DYNC2I1: variants seen among roughly 807,000 people sequenced by gnomAD.
The protein encoded by DYNC2I1 is dynein 2 intermediate chain 1, also known as cytoplasmic dynein 2 intermediate chain 1.
DYNC2I1 carries 89 observed loss-of-function variants against 133.4 expected under a neutral mutation model. The observed-to-expected ratio is 0.67, with a 90% confidence interval of 0.56 to 0.80. The LOEUF is 0.80. Ranked by LOEUF, DYNC2I1 falls within the 30% of genes least tolerant of loss-of-function variation. The pLI is 0.00. For missense variants in DYNC2I1, 1,291 were observed against 1,314.5 expected (o/e 0.98, Z 0.28); for synonymous variants, 504 against 484.3 (o/e 1.04, Z -0.54).
At chr7:158,930,417 A>C in intron 20 of DYNC2I1, 38 bp from the exon 21 acceptor site, 1 of 1,578,006 alleles carries the variant, frequency 6.3e-7, no homozygotes, top group Non-Finnish European at 8.7e-7. Flanking sequence ...TTTAGCTTCT[A>C]TTGAAAGGTG....
At chr7:158,865,318 T>C (rs1266994012) in intron 1 of DYNC2I1, among the ~76,000 whole-genome samples, 1 of 152,226 alleles carries the variant, frequency 6.6e-6, no homozygotes, top group Non-Finnish European at 1.5e-5. Context: ...TTAAATCAGT[T>C]TCATCTGTTT....
At chr7:158,880,105 AT>A in intron 5 of DYNC2I1, 116 bp downstream of exon 5, 1 of 1,233,954 alleles carries the variant, frequency 8.1e-7, no homozygotes, top group Non-Finnish European at 1.1e-6. Context: ...AGTAGTAGTA[AT>A]TTAGGAAAAA....
chr7:158,936,052 G>A (rs2657333), intron 23 of DYNC2I1, among the ~76,000 whole-genome samples: 100,369 of 151,994 alleles, frequency 0.66, 33,534 homozygotes, highest in Non-Finnish European at 0.71. Flanking sequence ...TTAGCCTGGC[G>A]TGGTGACACA....
At chr7:158,870,527 A>ATTTTTTAAT (rs944947376) in intron 2 of DYNC2I1, among the ~76,000 whole-genome samples, 2 of 150,860 alleles carry the variant, frequency 1.3e-5, no homozygotes, top group African/African-American at 4.9e-5. Context: ...TAATTTTTTA[A>ATTTTTTAAT]TTTTTTAATT....
intron 8 of DYNC2I1, among the ~76,000 whole-genome samples, chr7:158,898,454 A>T (rs1055392342): frequency 6.6e-6 from 1 of 152,254 alleles, no homozygotes; most frequent in African/African-American, 2.4e-5. Flanking sequence ...CATTAAAGAC[A>T]TAAAATTGGC....
the DYNC2I1 span, among the ~76,000 whole-genome samples, chr7:158,843,906 A>G: frequency 6.6e-6 from 1 of 152,086 alleles, no homozygotes; most frequent in Non-Finnish European, 1.5e-5. Context: ...GGAGGGGAAG[A>G]AAAAAGGAAG....
rs116138162 is a variant in DYNC2I1 at position 158,935,325 on chromosome 7, G to A, written c.2778+776G>A. 6.9e-3 allele frequency among the ~76,000 whole-genome samples: 1,048 copies of A among 152,304 alleles called. 10 individuals are homozygous for A. Among genetic ancestry groups the A allele is most frequent in the African/African-American group, 0.024 (991 of 41,558 alleles). ...GTCACAGTTGTCCTGTAGACTCCAA[G>A]GTCAGTTTATGGGTTGGTTTGGGTA... On this transcript the variant is annotated intron_variant, in intron 23 of 24. Coordinates refer to ENST00000407559, the MANE Select transcript of DYNC2I1 (RefSeq NM_018051.5).
At position 158,865,742 on chromosome 7, in the gene DYNC2I1, C is replaced by A. The variant is rs191186799; in HGVS notation, c.16-4113C>A. Among the ~76,000 whole-genome samples the A allele has an allele frequency of 1.7e-3, 252 of 152,250 alleles. 1 individual carries two copies. Among genetic ancestry groups the A allele is most frequent in the African/African-American group, 5.5e-3 (228 of 41,528 alleles). On this transcript the variant is annotated intron_variant, in intron 1 of 24. Transcript: ENST00000407559. ...GAGAGTTGATTTTAAGCGTGGATTG[C>A]TGGGCTGCTCCATAGGGCAGAGTCT...
In DYNC2I1 at chr7:158,945,901, A is replaced by T; in HGVS notation, c.*122A>T. ...ATAGACTATGTATATTCTGTATATA[A>T]TTTATTTTACATGAATATGTCTTTG... is the stretch of plus-strand genomic sequence containing the variant. On this transcript the variant is annotated 3_prime_UTR_variant, in exon 25 of 25. Coordinates refer to ENST00000407559, the MANE Select transcript of DYNC2I1 (RefSeq NM_018051.5). The surrounding 1 kb of genome is among the most constrained non-coding windows in gnomAD (Gnocchi z 4.1). 1.1e-6 allele frequency: 1 copy of T among 947,192 alleles called. No individual in the cohort carries two copies. The highest frequency in any genetic ancestry group is 1.4e-6 in the Non-Finnish European group (1 of 701,386). The allele number at this position is 947,192 out of a possible 1,614,324, so 58.7% of individuals were successfully genotyped here. A position where few individuals can be genotyped will look rare whatever the true frequency, so the allele number is the denominator to read the frequency against.
intron 23 of DYNC2I1, among the ~76,000 whole-genome samples, chr7:158,937,494 C>T (rs1382820038): frequency 4.6e-5 from 7 of 152,040 alleles, no homozygotes; most frequent in Admixed American, 3.9e-4. Context: ...GGCGTGGTGG[C>T]GGGCGCCTGT....
chr7:158,884,385 A>C (rs1024188751), intron 5 of DYNC2I1, among the ~76,000 whole-genome samples, 179 bp from the exon 6 acceptor site: 3 of 152,176 alleles, frequency 2.0e-5, no homozygotes, highest in Non-Finnish European at 2.9e-5. Context: ...TTTTCTTTAC[A>C]TTTAATTATC....
chr7:158,871,497 A>G lies in DYNC2I1; in HGVS notation c.425A>G (p.Asn142Ser), dbSNP rs1299034154. 35 of 1,547,418 alleles carry G rather than the reference A, an allele frequency of 2.3e-5. No homozygotes were observed. Among genetic ancestry groups the G allele is most frequent in the Admixed American group, 2.2e-4 (11 of 50,976 alleles). Reference sequence around the variant, plus strand: ...CTCCGGCAGACCGTGGCCCACCACAACCTGCTGGGCCAGGAGACACGCGAC... The same window carrying G: ...CTCCGGCAGACCGTGGCCCACCACAGCCTGCTGGGCCAGGAGACACGCGAC... Reference protein sequence around the residue: ...EELRQTVAHHNLLGQETRDRQ... With the variant: ...EELRQTVAHHSLLGQETRDRQ... Residue 142 changes from asparagine to serine, a missense_variant, in exon 3 of 25, where the codon AAC becomes AGC. Transcript: ENST00000407559.
chr7:158,849,618 C>A, the DYNC2I1 span, among the ~76,000 whole-genome samples: 1 of 152,236 alleles, frequency 6.6e-6, no homozygotes, highest in Admixed American at 6.5e-5. Context: ...TTAGTTCTCA[C>A]AGCGAGGAGG....
intron 3 of DYNC2I1, among the ~76,000 whole-genome samples, chr7:158,876,005 C>T (rs1351237060): frequency 6.6e-6 from 1 of 152,162 alleles, no homozygotes; most frequent in Non-Finnish European, 1.5e-5. Flanking sequence ...TCTCTCTGTT[C>T]CTTAGTGTAC....
chr7:158,885,161 G>A (rs1362765326), intron 6 of DYNC2I1, among the ~76,000 whole-genome samples: 3 of 152,162 alleles, frequency 2.0e-5, no homozygotes, highest in Middle Eastern at 3.4e-3. Flanking sequence ...GTGAACACAC[G>A]GGATAACATT....
At chr7:158,907,054 G>T (rs548134870) in intron 11 of DYNC2I1, among the ~76,000 whole-genome samples, 1 of 151,826 alleles carries the variant, frequency 6.6e-6, no homozygotes, top group Non-Finnish European at 1.5e-5. Flanking sequence ...GGTCGAGGCC[G>T]CACTGAGCCG....
At chr7:158,844,119 C>T in the DYNC2I1 span, among the ~76,000 whole-genome samples, 2 of 152,322 alleles carry the variant, frequency 1.3e-5, no homozygotes. Flanking sequence ...AAAAGGAAGG[C>T]AGTCTCTCTC....
Position 158,913,084 on chromosome 7 carries a change from G to A in DYNC2I1, c.1690G>A (p.Val564Ile). The change falls in exon 13 of 25, where the codon GTT becomes ATT. Residue 564 changes from valine (V) to isoleucine (I), a missense_variant. By Grantham distance (29) the Val-to-Ile change is conservative (BLOSUM62 3). Coordinates refer to ENST00000407559, the MANE Select transcript of DYNC2I1 (RefSeq NM_018051.5). ...GACCCAGCACCCGGGAGAAAGTACT[G>A]TTGTATCTGGAGGTAACATCTTGCT... is the stretch of plus-strand genomic sequence containing the variant. ...VWTQHPGEST[V>I]VSGGSEQRDT... 2 of 1,612,136 alleles carry A rather than the reference G, an allele frequency of 1.2e-6. No homozygotes were observed. The highest frequency in any genetic ancestry group is 1.3e-5 in the African/African-American group (1 of 75,000).
At chr7:158,937,761 A>C (rs1850913219) in intron 23 of DYNC2I1, among the ~76,000 whole-genome samples, 1 of 152,088 alleles carries the variant, frequency 6.6e-6, no homozygotes, top group African/African-American at 2.4e-5. Context: ...AAATTAAAAA[A>C]TTTGCCAAGA....
Sources: gnomAD v4.1 joint callset for allele counts (sites outside exome capture counted in the v4.1 genomes callset) on GRCh38, gnomAD v4.1.1 for gene constraint, Gnocchi (gnomAD v3.1) non-coding constraint, MANE v1.5 for transcripts, NCBI Gene and HGNC (gene_info 2026-07-23, HGNC 2026-07-21) for gene names.